The following METTL22 variants were observed in gnomAD, a reference collection of about 807,000 sequenced individuals.
The protein encoded by METTL22 is methyltransferase 22, Kin17 lysine, also known as methyltransferase-like protein 22.
Under a neutral mutation model 48.4 loss-of-function variants are expected in METTL22, and 51 were observed. That is an observed-to-expected ratio of 1.05 (90% CI 0.84 to 1.33). The LOEUF (loss-of-function observed/expected upper bound fraction) is 1.33, where lower values mean the gene tolerates loss of function less well. METTL22 is among the 40% of genes most tolerant of loss of function. The pLI is 0.00. For synonymous variants in METTL22, 255 were observed against 214.1 expected (o/e 1.19, Z -1.67); for missense variants, 678 against 526.9 (o/e 1.29, Z -2.81).
At chr16:8,643,452 C>T (rs1392668594) in intron 9 of METTL22, among the ~76,000 whole-genome samples, 1 of 152,184 alleles carries the variant, frequency 6.6e-6, no homozygotes, top group Non-Finnish European at 1.5e-5. Flanking sequence ...CTTCTTGAGA[C>T]ACACACTGAC....
intron 6 of METTL22, among the ~76,000 whole-genome samples, chr16:8,640,922 A>AAGGGCCGGAAGATGGGCAGG (rs2056587830): frequency 3.7e-4 from 29 of 79,202 alleles, no homozygotes; most frequent in Admixed American, 5.5e-4. Context: ...GGATGGATGG[A>AAGGGCCGGAAGATGGGCAGG]TGGATGGATG....
intron 10 of METTL22, among the ~76,000 whole-genome samples, chr16:8,645,304 G>A (rs1021395446): frequency 1.2e-4 from 18 of 152,204 alleles, no homozygotes; most frequent in Non-Finnish European, 1.8e-4. Flanking sequence ...AGGAGCTGCC[G>A]CCCTTGCACT....
chr16:8,635,300 GTTTA>G lies in METTL22; in HGVS notation c.691_694del (p.Tyr231ValfsTer29). The G allele has an allele frequency of 2.5e-6, 4 of 1,578,842 alleles. No individual in the cohort carries two copies. Among genetic ancestry groups the G allele is most frequent in the Non-Finnish European group, 3.4e-6 (4 of 1,163,718 alleles). On this transcript the variant is annotated frameshift_variant, in exon 5 of 11. Coordinates refer to ENST00000381920, the MANE Select transcript of METTL22 (RefSeq NM_024109.4). LOFTEE classifies it high-confidence loss of function. ...CATCGCAGCCACCATGGCACGGACCGTTTATTGTACAGGTAATGAGGTGACATCT... is the reference window on the plus strand; with the variant it reads ...CATCGCAGCCACCATGGCACGGACCGTTGTACAGGTAATGAGGTGACATCT...
intron 3 of METTL22, among the ~76,000 whole-genome samples, chr16:8,633,205 G>T (rs560584389): frequency 6.6e-6 from 1 of 152,080 alleles, no homozygotes. Context: ...CCTGCCCAGC[G>T]AGTCCCTGTC....
the METTL22 span, among the ~76,000 whole-genome samples, chr16:8,662,059 C>T: frequency 6.9e-6 from 1 of 145,330 alleles, no homozygotes; most frequent in African/African-American, 2.6e-5. Flanking sequence ...GCCTGGACAA[C>T]ATACCAAGAC....
rs1025434772 is a variant in METTL22 at position 8,646,771 on chromosome 16, G to C, written c.*628G>C. On this transcript the variant is annotated 3_prime_UTR_variant, in exon 11 of 11. Coordinates refer to ENST00000381920, the MANE Select transcript of METTL22 (RefSeq NM_024109.4). ...CCACTCTTTGGGGTCATGTGCAGCT[G>C]ACCAGGGTTTGTGCAGTGATCTTCC... is the stretch of plus-strand genomic sequence containing the variant. The C allele has an allele frequency of 2.3e-6, 1 of 433,358 alleles. No homozygotes were observed. The highest frequency in any genetic ancestry group is 1.6e-5 in the South Asian group (1 of 61,478). The allele number at this position is 433,358 out of a possible 1,614,324, so 26.8% of individuals were successfully genotyped here.
intron 7 of METTL22, chr16:8,641,831 G>T: frequency 1.9e-6 from 1 of 523,480 alleles, no homozygotes; most frequent in Non-Finnish European, 3.5e-6. Context: ...GGCAGAAGGG[G>T]GAGATCATGT....
the METTL22 span, among the ~76,000 whole-genome samples, chr16:8,660,939 G>T: frequency 7.3e-5 from 11 of 150,034 alleles, 2 homozygotes; most frequent in African/African-American, 2.7e-4. Context: ...ATGAGTGAAC[G>T]GAAACCCAGA....
chr16:8,645,944 A>G, intron 10 of METTL22, 164 bp from the exon 11 acceptor site: 1 of 1,261,666 alleles, frequency 7.9e-7, no homozygotes, highest in Non-Finnish European at 9.8e-7. Context: ...GCCCAGAGCA[A>G]CAAAGAAAGG....
chr16:8,624,529 G>A (rs1406726246), intron 1 of METTL22, among the ~76,000 whole-genome samples: 3 of 151,910 alleles, frequency 2.0e-5, no homozygotes, highest in Admixed American at 6.6e-5. Context: ...ACCAGCGCGC[G>A]CCACGACACC....
intron 1 of METTL22, among the ~76,000 whole-genome samples, chr16:8,623,213 C>T (rs1266194386): frequency 1.3e-5 from 2 of 151,606 alleles, no homozygotes; most frequent in African/African-American, 4.9e-5. Flanking sequence ...ACTCGGGACT[C>T]TGAGGTAGGA....
the METTL22 span, among the ~76,000 whole-genome samples, chr16:8,662,295 GT>G: frequency 6.9e-6 from 1 of 145,592 alleles, no homozygotes; most frequent in Non-Finnish European, 1.5e-5. Flanking sequence ...CACCGGTTCT[GT>G]CTTTCCATTG....
At chr16:8,664,666 G>A in the METTL22 span, among the ~76,000 whole-genome samples, 2 of 151,822 alleles carry the variant, frequency 1.3e-5, no homozygotes, top group East Asian at 3.9e-4. Context: ...TCCTTATGTT[G>A]CCTGGGCTGG....
In METTL22 at chr16:8,642,203, C is replaced by G. The variant is rs780587567; in HGVS notation, c.903C>G (p.Ala301=). Residue 301 remains alanine, a synonymous_variant, in exon 8 of 11, where the codon GCC becomes GCG. Transcript: ENST00000381920. The part of the protein sequence containing the change: ...LYDHTTILFA[A]EVFYDDDLTD... ...ATCACACCACCATCCTGTTTGCAGC[C>G]GAAGGTAAGAAAATTTCTCCTTCGC... 1 of 1,612,616 alleles carries G rather than the reference C, an allele frequency of 6.2e-7. No individual in the cohort carries two copies. The highest frequency in any genetic ancestry group is 8.5e-7 in the Non-Finnish European group (1 of 1,178,728).
At position 8,646,327 on chromosome 16, in the gene METTL22, G is replaced by A. The variant is rs1374440520; in HGVS notation, c.*184G>A. Reference sequence around the variant, plus strand: ...CTGCCTCCCAGTTGTAGCCAGAGAAGGTTGTTGCTGTGGGCTGGAGGTCAC... The same window carrying A: ...CTGCCTCCCAGTTGTAGCCAGAGAAAGTTGTTGCTGTGGGCTGGAGGTCAC... On this transcript the variant is annotated 3_prime_UTR_variant, in exon 11 of 11. Transcript: ENST00000381920. The A allele has an allele frequency of 1.3e-6, 1 of 792,820 alleles. No individual in the cohort carries two copies. The highest frequency in any genetic ancestry group is 2.1e-6 in the Non-Finnish European group (1 of 467,052). 49.1% of individuals were successfully genotyped at this position (792,820 alleles called of 1,614,324 possible). A position where few individuals can be genotyped will look rare whatever the true frequency, so the allele number is the denominator to read the frequency against.
downstream of METTL22, among the ~76,000 whole-genome samples, chr16:8,651,533 T>C (rs908905730): frequency 6.6e-6 from 1 of 152,274 alleles, no homozygotes; most frequent in African/African-American, 2.4e-5. Context: ...CCTTGCAGCC[T>C]GTGTGATTTG....
At chr16:8,633,560 C>T (rs575151863) in intron 3 of METTL22, among the ~76,000 whole-genome samples, 9 of 152,292 alleles carry the variant, frequency 5.9e-5, no homozygotes, top group African/African-American at 1.2e-4. Flanking sequence ...GAGCCTTGGC[C>T]GTGCCACCAC....
chr16:8,636,403 C>T (rs1417930687), intron 5 of METTL22, among the ~76,000 whole-genome samples: 2 of 151,338 alleles, frequency 1.3e-5, no homozygotes, highest in South Asian at 2.1e-4. Context: ...GATGTGGTAG[C>T]GGCGGGCACC....
the METTL22 span, among the ~76,000 whole-genome samples, chr16:8,663,226 G>T: frequency 2.3e-3 from 1 of 430 alleles, no homozygotes; most frequent in South Asian, 0.056. Context: ...AAAAAAAAAA[G>T]GTAGCCAAGC....
Sources: allele counts gnomAD v4.1 joint callset (sites outside exome capture counted in the v4.1 genomes callset), GRCh38; gene constraint gnomAD v4.1.1; transcripts MANE v1.5; gene names NCBI Gene and HGNC (gene_info 2026-07-23, HGNC 2026-07-21).